SRFBP1: variants seen among roughly 807,000 people sequenced by gnomAD.
The protein encoded by SRFBP1 is serum response factor binding protein 1, also known as serum response factor-binding protein 1.
SRFBP1 carries 47 observed loss-of-function variants against 45.5 expected under a neutral mutation model. The ratio of observed to expected loss-of-function variants is 1.03; its 90% CI spans 0.82 to 1.32. SRFBP1 has a LOEUF of 1.32. Among genes scored for constraint, SRFBP1 ranks in the 40% most tolerant of loss-of-function variants. SRFBP1 has a pLI of 0.00. For synonymous variants in SRFBP1, 203 were observed against 166.3 expected, an observed-to-expected ratio of 1.22 and a Z score of -1.70; for missense variants, 621 against 484.6, an observed-to-expected ratio of 1.28 and a Z score of -2.64.
downstream of SRFBP1, chr5:122,077,266 GGCCCGCCGC>G (rs1754665691): frequency 1.3e-6 from 2 of 1,569,686 alleles, no homozygotes; most frequent in East Asian, 4.6e-5. This position sits in a 1 kb window ranked among gnomAD's most constrained non-coding sequence, Gnocchi z 4.9. Flanking sequence ...CGAGGACCGG[GGCCCGCCGC>G]GCCCAGGCAG....
chr5:121,969,406 G>T (rs1030328714), intron 1 of SRFBP1, among the ~76,000 whole-genome samples: 2 of 151,818 alleles, frequency 1.3e-5, no homozygotes, highest in African/African-American at 4.8e-5. Flanking sequence ...CTGAGCTGGG[G>T]AACCCTTTCT....
chr5:122,022,593 G>C (rs1006517209), intron 7 of SRFBP1, among the ~76,000 whole-genome samples, 186 bp downstream of exon 7: 2 of 152,074 alleles, frequency 1.3e-5, no homozygotes, highest in African/African-American at 4.8e-5. Flanking sequence ...TCTGTGTCCT[G>C]CCAGAGGGAA....
intron 2 of SRFBP1, chr5:122,073,968 TTCTC>T (rs1376245232): frequency 8.9e-6 from 14 of 1,581,338 alleles, no homozygotes; most frequent in African/African-American, 1.3e-5. Context: ...GATGACCCGT[TTCTC>T]TCTGAGGCTT....
intron 4 of SRFBP1, among the ~76,000 whole-genome samples, chr5:121,995,388 G>A (rs372547904): frequency 5.3e-5 from 8 of 152,070 alleles, no homozygotes; most frequent in Non-Finnish European, 1.2e-4. Context: ...CTACATGGAA[G>A]CTGAACAACC....
At chr5:121,971,926 G>A (rs1055893323) in intron 1 of SRFBP1, among the ~76,000 whole-genome samples, 2 of 151,968 alleles carry the variant, frequency 1.3e-5, no homozygotes, top group Non-Finnish European at 2.9e-5. Flanking sequence ...GTAGACTGAT[G>A]AGGATGAAAA....
intron 3 of SRFBP1, among the ~76,000 whole-genome samples, chr5:121,979,502 T>C (rs1311651585): frequency 6.6e-6 from 1 of 152,224 alleles, no homozygotes; most frequent in Admixed American, 6.5e-5. Context: ...ATTTTGTTCA[T>C]TTATTCTATG....
At chr5:121,994,546 T>C in intron 3 of SRFBP1, 53 bp from the exon 4 acceptor site, 1 of 1,187,824 alleles carries the variant, frequency 8.4e-7, no homozygotes, top group Non-Finnish European at 1.2e-6. Context: ...AACTTAATAA[T>C]AGTGATAAAA....
At chr5:122,069,253 CA>C (rs1754386395) in intron 2 of SRFBP1, among the ~76,000 whole-genome samples, 1 of 152,048 alleles carries the variant, frequency 6.6e-6, no homozygotes, top group African/African-American at 2.4e-5. Context: ...AGTGACAAAG[CA>C]AAGCTGATGA....
At chr5:121,993,910 T>C (rs2112674203) in intron 3 of SRFBP1, among the ~76,000 whole-genome samples, 1 of 152,136 alleles carries the variant, frequency 6.6e-6, no homozygotes, top group African/African-American at 2.4e-5. Context: ...ATTTCTACTT[T>C]TTCATTGTGA....
downstream of SRFBP1, chr5:122,078,047 G>C: frequency 2.9e-6 from 4 of 1,396,708 alleles, no homozygotes; most frequent in Non-Finnish European, 3.7e-6. Context: ...ATAAAAACGG[G>C]GCTCAAATCA....
chr5:122,061,259 T>C (rs533558301), intron 2 of SRFBP1, among the ~76,000 whole-genome samples: 1 of 151,948 alleles, frequency 6.6e-6, no homozygotes, highest in African/African-American at 2.4e-5. Context: ...GTTAAATTTG[T>C]CTTTAGCCCC....
intron 2 of SRFBP1, among the ~76,000 whole-genome samples, chr5:122,071,214 T>C (rs905554454): frequency 6.6e-6 from 1 of 151,966 alleles, no homozygotes; most frequent in African/African-American, 2.4e-5. Context: ...TGTGTGTGTG[T>C]GTGTGTATAA....
In SRFBP1 at chr5:122,036,029, G is replaced by A. The variant is rs183129868; in HGVS notation, n.311+13622G>A. On this transcript the variant is annotated intron_variant and non_coding_transcript_variant, in intron 2 of 2. Coordinates refer to the SRFBP1 transcript ENST00000504881. ...TTTGTGTTTTCCCCATAGGACTTGGGAGAATACAAGTATACAGGAAGGGGT... is the reference window on the plus strand; with the variant it reads ...TTTGTGTTTTCCCCATAGGACTTGGAAGAATACAAGTATACAGGAAGGGGT... Among the ~76,000 whole-genome samples the A allele has an allele frequency of 1.5e-4, 23 of 152,286 alleles. No individual in the cohort carries two copies. The East Asian group carries it at 4.1e-3, about 27-fold the overall frequency.
intron 2 of SRFBP1, among the ~76,000 whole-genome samples, chr5:122,043,619 T>A (rs1753805816): frequency 6.6e-6 from 1 of 152,236 alleles, no homozygotes; most frequent in Non-Finnish European, 1.5e-5. Flanking sequence ...TTTTACAATA[T>A]GAAATAATTG....
chr5:122,021,549 G>A (rs1394696004), intron 6 of SRFBP1, among the ~76,000 whole-genome samples: 1 of 151,898 alleles, frequency 6.6e-6, no homozygotes, highest in Non-Finnish European at 1.5e-5. Context: ...ATAAAAACGT[G>A]TGGAGTGTTG....
intron 3 of SRFBP1, among the ~76,000 whole-genome samples, chr5:121,978,754 A>T (rs939609972): frequency 1.2e-4 from 18 of 152,150 alleles, no homozygotes; most frequent in African/African-American, 4.3e-4. Context: ...GGCCTCCCAT[A>T]GTACTGGGAT....
intron 2 of SRFBP1, among the ~76,000 whole-genome samples, chr5:122,056,840 C>T (rs1255103445): frequency 6.6e-6 from 1 of 152,112 alleles, no homozygotes; most frequent in Non-Finnish European, 1.5e-5. Context: ...ATGTCCTTTA[C>T]TCCTGGGGAA....
At chr5:122,076,762 C>CGTCCCACTTCCCAGCTCTT (rs1754648662), downstream of SRFBP1, 2 of 706,148 alleles carry the variant, frequency 2.8e-6, no homozygotes, top group Non-Finnish European at 4.8e-6. Flanking sequence ...CAGGAGGTCA[C>CGTCCCACTTCCCAGCTCTT]GTCCCACTTC....
chr5:122,008,367 G>C (rs183220595), intron 4 of SRFBP1, among the ~76,000 whole-genome samples: 2 of 152,194 alleles, frequency 1.3e-5, no homozygotes, highest in East Asian at 3.9e-4. Flanking sequence ...TACCAGCCTG[G>C]AGTCGGGGCC....
Sources: gnomAD v4.1 joint callset for allele counts (sites outside exome capture counted in the v4.1 genomes callset) on GRCh38, gnomAD v4.1.1 for gene constraint, Gnocchi (gnomAD v3.1) non-coding constraint, MANE v1.5 for transcripts, NCBI Gene and HGNC (gene_info 2026-07-23, HGNC 2026-07-21) for gene names.